The following OXNAD1 variants were observed in gnomAD, a reference collection of about 807,000 sequenced individuals.
The protein encoded by OXNAD1 is oxidoreductase NAD binding domain containing 1.
A neutral mutation model predicts 32.9 loss-of-function variants in OXNAD1; 34 were observed. That is an observed-to-expected ratio of 1.03 (90% CI 0.79 to 1.38). OXNAD1 has a LOEUF of 1.38. Ranked by LOEUF, OXNAD1 falls within the 40% of genes most tolerant of loss-of-function variation. OXNAD1 has a pLI of 0.00. For synonymous variants in OXNAD1, 134 were observed against 135.2 expected, an observed-to-expected ratio of 0.99 and a Z score of 0.06; for missense variants, 407 against 379.4, an observed-to-expected ratio of 1.07 and a Z score of -0.60.
Position 16,265,824 on chromosome 3 carries a change from T to C in OXNAD1, c.-159+319T>C, listed in dbSNP as rs1269779539. The C allele has an allele frequency of 1.0e-6, 1 of 972,450 alleles. No homozygotes were observed. The highest frequency in any genetic ancestry group is 6.2e-5 in the Admixed American group (1 of 16,246). 60.2% of individuals were successfully genotyped at this position (972,450 alleles called of 1,614,324 possible). ...ATACACCTGGGAAATAATGAAGAGC[T>C]TGTCTGTCTCCAAAGCCCAGGAACA... is the stretch of plus-strand genomic sequence containing the variant. On this transcript the variant is annotated intron_variant, in intron 1 of 8. Coordinates refer to ENST00000285083, the MANE Select transcript of OXNAD1 (RefSeq NM_138381.5). The surrounding 1 kb of genome is among the most constrained non-coding windows in gnomAD (Gnocchi z 4.8).
At position 16,314,182 on chromosome 3, in the gene OXNAD1, T is replaced by A. The variant is rs62233917; in HGVS notation, c.*30+10590T>A. Among the ~76,000 whole-genome samples the A allele has an allele frequency of 0.15, 22,435 of 151,922 alleles. 1,703 individuals carry two copies. The highest frequency in any genetic ancestry group is 0.17 in the African/African-American group (6,982 of 41,434). On this transcript the variant is annotated intron_variant, in intron 9 of 9. Coordinates refer to the OXNAD1 transcript ENST00000435829. This position sits in a 1 kb window ranked among gnomAD's most constrained non-coding sequence, Gnocchi z 4.4. The stretch of plus-strand genomic sequence containing the variant: ...GCACAAGCTTCCTCATGCCAAACCC[T>A]GTATGTCTTTGTGGCTTTTACTGTC...
At chr3:16,351,866 G>A (rs895668663), downstream of OXNAD1, among the ~76,000 whole-genome samples, 1 of 151,782 alleles carries the variant, frequency 6.6e-6, no homozygotes, top group Non-Finnish European at 1.5e-5. This position sits in a 1 kb window ranked among gnomAD's most constrained non-coding sequence, Gnocchi z 5.4. Context: ...TTGGGTGAGG[G>A]GACTAGAAAG....
At chr3:16,339,546 C>G (rs565710624), downstream of OXNAD1, 1 of 152,306 alleles carries the variant, frequency 6.6e-6, no homozygotes, top group East Asian at 1.9e-4. Context: ...GATGCGCTGC[C>G]GGGTCCCCAT....
Position 16,302,537 on chromosome 3 carries a change from C to A in OXNAD1, c.676-103C>A. 1 of 740,196 alleles carries A rather than the reference C, an allele frequency of 1.4e-6. No homozygotes were observed. The highest frequency in any genetic ancestry group is 1.7e-5 in the South Asian group (1 of 58,788). 45.9% of individuals were successfully genotyped at this position (740,196 alleles called of 1,614,324 possible). A position where few individuals can be genotyped will look rare whatever the true frequency, so the allele number is the denominator to read the frequency against. ...CTCTCTAAGTAGAGAGCGAGAGCGG[C>A]AGACGTGTGCAGAATGGGAGTTGAG... On this transcript the variant is annotated intron_variant, in intron 7 of 8. Transcript: ENST00000285083. The surrounding 1 kb of genome is among the most constrained non-coding windows in gnomAD (Gnocchi z 4.2).
intron 9 of OXNAD1, among the ~76,000 whole-genome samples, chr3:16,333,799 A>G (rs2070569791): frequency 6.6e-6 from 1 of 152,244 alleles, no homozygotes; most frequent in African/African-American, 2.4e-5. Context: ...AAAGATATGA[A>G]GAGAGATCAC....
chr3:16,337,118 T>A lies in OXNAD1; in HGVS notation c.*37T>A, dbSNP rs2070932323. 1 of 152,278 alleles carries A rather than the reference T, an allele frequency of 6.6e-6. No individual in the cohort carries two copies. Among genetic ancestry groups the A allele is most frequent in the African/African-American group, 2.4e-5 (1 of 41,460 alleles). The allele number at this position is 152,278 out of a possible 1,614,324, so 9.4% of individuals were successfully genotyped here. A position where few individuals can be genotyped will look rare whatever the true frequency, so the allele number is the denominator to read the frequency against. ...GTTTCTGCTCACTCTCCAGGAACCC[T>A]GCCTACGCCATGAGGACAGGCCCAG... On this transcript the variant is annotated 3_prime_UTR_variant, in exon 10 of 10. Coordinates refer to the OXNAD1 transcript ENST00000435829. The surrounding 1 kb of genome is among the most constrained non-coding windows in gnomAD (Gnocchi z 5.0).
rs908909300 is a variant in OXNAD1, at chr3:16,304,240, G to A, written c.*678G>A. The A allele has an allele frequency of 1.3e-5, 2 of 152,220 alleles. No homozygotes were observed. The highest frequency in any genetic ancestry group is 1.5e-5 in the Non-Finnish European group (1 of 68,066). 9.4% of individuals were successfully genotyped at this position (152,220 alleles called of 1,614,324 possible). Reference sequence around the variant, plus strand: ...CTGTGTCTTGGCTGTCTGCCTTAACGCTGTAGGAGGCAGCTTCTTGCTTGG... The same window carrying A: ...CTGTGTCTTGGCTGTCTGCCTTAACACTGTAGGAGGCAGCTTCTTGCTTGG... On this transcript the variant is annotated 3_prime_UTR_variant, in exon 9 of 9. Transcript: ENST00000285083. The surrounding 1 kb of genome is among the most constrained non-coding windows in gnomAD (Gnocchi z 4.6).
At position 16,304,781 on chromosome 3, in the gene OXNAD1, C is replaced by G. The variant is rs1003660905; in HGVS notation, c.*1219C>G. 2 of 152,158 alleles carry G rather than the reference C, an allele frequency of 1.3e-5. No individual in the cohort carries two copies. Among genetic ancestry groups the G allele is most frequent in the Non-Finnish European group, 2.9e-5 (2 of 68,078 alleles). The allele number at this position is 152,158 out of a possible 1,614,324, so 9.4% of individuals were successfully genotyped here. Reference sequence around the variant, plus strand: ...CTCCAGTTGAGATTCTGTTCTGGAGCGGATGAGAGAAGACAGGTTACCCTT... The same window carrying G: ...CTCCAGTTGAGATTCTGTTCTGGAGGGGATGAGAGAAGACAGGTTACCCTT... On this transcript the variant is annotated 3_prime_UTR_variant, in exon 9 of 9. Coordinates refer to ENST00000285083, the MANE Select transcript of OXNAD1 (RefSeq NM_138381.5). This position sits in a 1 kb window ranked among gnomAD's most constrained non-coding sequence, Gnocchi z 4.6.
Position 16,304,987 on chromosome 3 carries a change from G to A in OXNAD1, c.*1425G>A, listed in dbSNP as rs1275153919. 1 of 152,196 alleles carries A rather than the reference G, an allele frequency of 6.6e-6. No individual in the cohort carries two copies. The highest frequency in any genetic ancestry group is 6.5e-5 in the Admixed American group (1 of 15,284). 9.4% of individuals were successfully genotyped at this position (152,196 alleles called of 1,614,324 possible). On this transcript the variant is annotated 3_prime_UTR_variant, in exon 9 of 9. Coordinates refer to ENST00000285083, the MANE Select transcript of OXNAD1 (RefSeq NM_138381.5). This position sits in a 1 kb window ranked among gnomAD's most constrained non-coding sequence, Gnocchi z 4.6. ...TTTGGGGAGGAAGGGAGGAGCTACT[G>A]ACCTGATGGGAATATCATAATCCAT...
At chr3:16,349,859 G>C (rs2071973339) in exon 10 of OXNAD1, 1 of 152,234 alleles carries the variant, frequency 6.6e-6, no homozygotes, top group South Asian at 2.1e-4. Flanking sequence ...AGTTTGCAGG[G>C]TAGCCCAGCA....
chr3:16,317,254 G>A lies in OXNAD1; in HGVS notation c.*30+13662G>A. On this transcript the variant is annotated intron_variant, in intron 9 of 9. Coordinates refer to the OXNAD1 transcript ENST00000435829. This position sits in a 1 kb window ranked among gnomAD's most constrained non-coding sequence, Gnocchi z 4.3. The stretch of plus-strand genomic sequence containing the variant: ...GAAACTAGAAATCAGAAAGGATGGG[G>A]ATAAATAACAAGCCTCCGGGAACCC... The A allele has an allele frequency of 6.2e-7, 1 of 1,607,780 alleles. No individual in the cohort carries two copies. The highest frequency in any genetic ancestry group is 2.2e-5 in the East Asian group (1 of 44,856).
chr3:16,347,445 G>C (rs1235595784), intron 9 of OXNAD1, among the ~76,000 whole-genome samples: 2 of 152,244 alleles, frequency 1.3e-5, no homozygotes, highest in Admixed American at 1.3e-4. Flanking sequence ...TTGGAGGCTA[G>C]GGGGAGAATC....
Position 16,321,907 on chromosome 3 carries a change from G to A in OXNAD1, c.*31-15205G>A, listed in dbSNP as rs2069103509. Among the ~76,000 whole-genome samples the A allele has an allele frequency of 6.6e-6, 1 of 152,172 alleles. No homozygotes were observed. The highest frequency in any genetic ancestry group is 1.5e-5 in the Non-Finnish European group (1 of 68,028). The stretch of plus-strand genomic sequence containing the variant: ...ACTGACTTGTCCCCCTGCATGCGAT[G>A]CCATGACCTTCACACCAACATCCAA... On this transcript the variant is annotated intron_variant, in intron 9 of 9. Transcript: ENST00000435829. The surrounding 1 kb of genome is among the most constrained non-coding windows in gnomAD (Gnocchi z 4.8).
intron 5 of OXNAD1, among the ~76,000 whole-genome samples, chr3:16,293,386 T>G (rs2125063473): frequency 1.3e-5 from 2 of 152,364 alleles, no homozygotes; most frequent in South Asian, 4.1e-4. Flanking sequence ...TCCTGCAAAC[T>G]TATTTGAATT....
intron 9 of OXNAD1, among the ~76,000 whole-genome samples, chr3:16,333,554 C>A (rs1456164097): frequency 6.6e-6 from 1 of 152,154 alleles, no homozygotes; most frequent in Admixed American, 6.5e-5. Flanking sequence ...CAATCCCCCT[C>A]ATTTAATAAA....
chr3:16,298,852 A>G lies in OXNAD1; in HGVS notation c.433-2774A>G, dbSNP rs1157518502. On this transcript the variant is annotated intron_variant, in intron 6 of 8. Coordinates refer to ENST00000285083, the MANE Select transcript of OXNAD1 (RefSeq NM_138381.5). This position sits in a 1 kb window ranked among gnomAD's most constrained non-coding sequence, Gnocchi z 5.1. ...ATACATTGCTGTGTAATTGAAGGTAATGTCCTTTTATTCACTTACATATTA... is the reference window on the plus strand; with the variant it reads ...ATACATTGCTGTGTAATTGAAGGTAGTGTCCTTTTATTCACTTACATATTA... Among the ~76,000 whole-genome samples the G allele has an allele frequency of 6.6e-6, 1 of 152,158 alleles. No individual in the cohort carries two copies. Among genetic ancestry groups the G allele is most frequent in the Non-Finnish European group, 1.5e-5 (1 of 68,028 alleles).
rs1317320748 is a variant in OXNAD1 at position 16,288,368 on chromosome 3, T to C, written c.290+1920T>C. On this transcript the variant is annotated intron_variant, in intron 5 of 8. Transcript: ENST00000285083. This position sits in a 1 kb window ranked among gnomAD's most constrained non-coding sequence, Gnocchi z 5.1. ...GTTGCTGTTGGGCTTATCTTTGGGG[T>C]AAGAGATTGGGCCGTGATTCCACAT... 1.3e-5 allele frequency among the ~76,000 whole-genome samples: 2 copies of C among 152,114 alleles called. No individual in the cohort carries two copies. Among genetic ancestry groups the C allele is most frequent in the East Asian group, 3.9e-4 (2 of 5,188 alleles).
In OXNAD1 at chr3:16,301,832, C is replaced by G. The variant is rs767774767; in HGVS notation, c.639C>G (p.Phe213Leu). ...ATGAGATAGGAACAATAAAACTATT[C>G]TACAGTGCAAAAAATACCAGCGAAC... ...NGYEIGTIKL[F>L]YSAKNTSELL... The change falls in exon 7 of 9, where the codon TTC becomes TTG. Residue 213 changes from phenylalanine (F) to leucine (L), a missense_variant. Transcript: ENST00000285083. The surrounding 1 kb of genome is among the most constrained non-coding windows in gnomAD (Gnocchi z 4.1). The G allele has an allele frequency of 1.9e-5, 31 of 1,613,888 alleles. No individual in the cohort carries two copies. Among genetic ancestry groups the G allele is most frequent in the Non-Finnish European group, 2.6e-5 (31 of 1,179,940 alleles).
downstream of OXNAD1, chr3:16,339,269 T>TA (rs2071142956): frequency 6.6e-6 from 1 of 152,410 alleles, no homozygotes; most frequent in African/African-American, 2.4e-5. Context: ...TTGCTATGGC[T>TA]ACCACAATTC....
Sources: gnomAD v4.1 joint callset for allele counts (sites outside exome capture counted in the v4.1 genomes callset) on GRCh38, gnomAD v4.1.1 for gene constraint, Gnocchi (gnomAD v3.1) non-coding constraint, MANE v1.5 for transcripts, NCBI Gene and HGNC (gene_info 2026-07-23, HGNC 2026-07-21) for gene names.